The following CLSTN2 variants were observed in gnomAD, a reference collection of about 807,000 sequenced individuals.
CLSTN2 encodes the protein calsyntenin-2.
CLSTN2 carries 48 observed loss-of-function variants against 101.2 expected under a neutral mutation model. The ratio of observed to expected loss-of-function variants is 0.47; its 90% CI spans 0.38 to 0.60. The LOEUF is 0.60. Among genes scored for constraint, CLSTN2 ranks in the 20% least tolerant of loss-of-function variants. CLSTN2 has a pLI of 0.00. For missense variants in CLSTN2, 1,160 were observed against 1,238.2 expected, an observed-to-expected ratio of 0.94 and a Z score of 0.95; for synonymous variants, 481 against 463.6, an observed-to-expected ratio of 1.04 and a Z score of -0.48.
At chr3:140,171,640 A>G (rs11712060) in intron 1 of CLSTN2, among the ~76,000 whole-genome samples, 2 of 105,234 alleles carry the variant, frequency 1.9e-5, no homozygotes, top group Admixed American at 2.9e-4. Context: ...ATTATATATT[A>G]TATATAATAC....
intron 8 of CLSTN2, among the ~76,000 whole-genome samples, chr3:140,519,712 G>A (rs1473426007): frequency 5.9e-5 from 9 of 151,892 alleles, no homozygotes; most frequent in South Asian, 2.1e-4. Context: ...GACTTTGTAC[G>A]TGAGGTGGGT....
intron 1 of CLSTN2, among the ~76,000 whole-genome samples, chr3:140,163,375 C>T (rs142518203): frequency 2.6e-5 from 4 of 151,254 alleles, no homozygotes; most frequent in African/African-American, 9.8e-5. Flanking sequence ...ATTTGCTAAC[C>T]CCCCACAAAA....
At chr3:139,944,928 A>T (rs1935193155) in intron 1 of CLSTN2, among the ~76,000 whole-genome samples, 1 of 152,212 alleles carries the variant, frequency 6.6e-6, no homozygotes, top group Non-Finnish European at 1.5e-5. Flanking sequence ...AATGTATTAA[A>T]CAGTCAGGCC....
chr3:139,984,018 T>G (rs1935980925), intron 1 of CLSTN2, among the ~76,000 whole-genome samples: 1 of 152,210 alleles, frequency 6.6e-6, no homozygotes, highest in Admixed American at 6.5e-5. Context: ...CTCTTGGAAC[T>G]GAAGGTAAAA....
chr3:140,264,545 A>G (rs1429299028), intron 2 of CLSTN2, among the ~76,000 whole-genome samples: 2 of 151,572 alleles, frequency 1.3e-5, no homozygotes, highest in African/African-American at 4.8e-5. Context: ...TTGACCCTGT[A>G]TTTCCCTCCA....
chr3:140,176,476 AAG>A (rs890250805), intron 2 of CLSTN2, among the ~76,000 whole-genome samples: 2 of 152,190 alleles, frequency 1.3e-5, no homozygotes, highest in Non-Finnish European at 1.5e-5. Flanking sequence ...GGCAAGAGAA[AAG>A]AGAGAGAAAA....
intron 2 of CLSTN2, among the ~76,000 whole-genome samples, chr3:140,330,173 A>G (rs1320350910): frequency 1.3e-5 from 2 of 152,212 alleles, no homozygotes; most frequent in Non-Finnish European, 2.9e-5. Flanking sequence ...AGAGATTCCC[A>G]GTGTCTGATT....
At chr3:140,071,097 C>T (rs1265809137) in intron 1 of CLSTN2, among the ~76,000 whole-genome samples, 1 of 151,746 alleles carries the variant, frequency 6.6e-6, no homozygotes, top group Non-Finnish European at 1.5e-5. Flanking sequence ...ACAAATAGTT[C>T]AGTGCAACAG....
intron 8 of CLSTN2, among the ~76,000 whole-genome samples, chr3:140,516,046 G>T (rs912983846): frequency 6.6e-6 from 1 of 152,064 alleles, no homozygotes; most frequent in Non-Finnish European, 1.5e-5. Flanking sequence ...TTATGATAGT[G>T]ATATTTTCCT....
chr3:140,518,769 G>C (rs558574588), intron 8 of CLSTN2, among the ~76,000 whole-genome samples: 2 of 152,172 alleles, frequency 1.3e-5, no homozygotes, highest in Non-Finnish European at 2.9e-5. Flanking sequence ...AGTTCACGAC[G>C]TGAGCCTCCA....
rs138403956 is a variant in CLSTN2 at position 139,937,127 on chromosome 3, C to T, written c.109+1644C>T. Among the ~76,000 whole-genome samples the T allele has an allele frequency of 1.1e-4, 16 of 152,276 alleles. 1 individual carries two copies. The East Asian group carries it at 3.1e-3, about 29-fold the overall frequency. On this transcript the variant is annotated intron_variant, in intron 1 of 16. Transcript: ENST00000458420. Reference sequence around the variant, plus strand: ...TGGGGGGTGGGGGGGAGGAGATTTCCCATCACTTTGTAGCACAGTAATTGA... The same window carrying T: ...TGGGGGGTGGGGGGGAGGAGATTTCTCATCACTTTGTAGCACAGTAATTGA...
intron 4 of CLSTN2, among the ~76,000 whole-genome samples, chr3:140,412,359 G>A (rs1193154913): frequency 1.3e-5 from 2 of 152,192 alleles, no homozygotes; most frequent in Non-Finnish European, 2.9e-5. Context: ...GCAGGCATGA[G>A]TTCTAGGAGG....
intron 12 of CLSTN2, among the ~76,000 whole-genome samples, chr3:140,560,021 G>A (rs180737033): frequency 1.7e-4 from 26 of 152,280 alleles, no homozygotes; most frequent in Admixed American, 3.9e-4. Flanking sequence ...CTCAGTGGTT[G>A]CAGGCCATGA....
intron 1 of CLSTN2, among the ~76,000 whole-genome samples, chr3:140,084,951 G>A (rs1366663247): frequency 2.6e-5 from 4 of 152,236 alleles, no homozygotes; most frequent in African/African-American, 4.8e-5. Flanking sequence ...GTGTGTGAGT[G>A]CAAATGTGGT....
chr3:140,419,274 C>G (rs111874234), intron 4 of CLSTN2, among the ~76,000 whole-genome samples: 44,144 of 149,158 alleles, frequency 0.3, 9,740 homozygotes, highest in African/African-American at 0.63. Flanking sequence ...CCTGAGATCA[C>G]GAGTTCGAGA....
intron 1 of CLSTN2, among the ~76,000 whole-genome samples, chr3:140,098,894 G>A (rs1364750110): frequency 1.3e-5 from 2 of 152,190 alleles, no homozygotes; most frequent in Non-Finnish European, 2.9e-5. Context: ...AAAAAGAAAA[G>A]TGGAGACACT....
At chr3:139,981,010 G>A (rs570067646) in intron 1 of CLSTN2, among the ~76,000 whole-genome samples, 2 of 152,112 alleles carry the variant, frequency 1.3e-5, no homozygotes, top group East Asian at 3.9e-4. Context: ...GCTATGATGT[G>A]GGGAGGGGCA....
chr3:140,041,423 C>A (rs112535203), intron 1 of CLSTN2, among the ~76,000 whole-genome samples: 2 of 152,160 alleles, frequency 1.3e-5, no homozygotes, highest in Non-Finnish European at 2.9e-5. Flanking sequence ...AGTAAGAGAA[C>A]TCAGGTTCAC....
At chr3:140,374,532 T>C (rs1230717664) in intron 2 of CLSTN2, among the ~76,000 whole-genome samples, 1 of 152,196 alleles carries the variant, frequency 6.6e-6, no homozygotes, top group Non-Finnish European at 1.5e-5. Flanking sequence ...GAATAATAAA[T>C]TTCCTGTATA....
Sources: allele counts gnomAD v4.1 joint callset (sites outside exome capture counted in the v4.1 genomes callset), GRCh38; gene constraint gnomAD v4.1.1; transcripts MANE v1.5; gene names NCBI Gene and HGNC (gene_info 2026-07-23, HGNC 2026-07-21).